Variants in TMEM260 observed in about 807,000 individuals in gnomAD.
TMEM260 encodes the protein protein O-mannosyl-transferase TMEM260.
In TMEM260, 82 loss-of-function variants were observed where a neutral mutation model predicts 88.9. That is an observed-to-expected ratio of 0.92 (90% CI 0.77 to 1.11). The LOEUF (loss-of-function observed/expected upper bound fraction) is 1.11. TMEM260 is among the 50% of genes least tolerant of loss of function. The pLI is 0.00. For missense variants in TMEM260, 902 were observed against 853.4 expected, an observed-to-expected ratio of 1.06 and a Z score of -0.71; for synonymous variants, 314 against 309.3, an observed-to-expected ratio of 1.02 and a Z score of -0.16.
intron 9 of TMEM260, among the ~76,000 whole-genome samples, chr14:56,618,183 C>G (rs1887700747): frequency 6.6e-6 from 1 of 152,148 alleles, no homozygotes; most frequent in African/African-American, 2.4e-5. Context: ...CTCCCAAACT[C>G]CCCAGTCAGA....
intron 3 of TMEM260, among the ~76,000 whole-genome samples, chr14:56,601,238 C>T (rs775311671): frequency 5.3e-5 from 8 of 152,050 alleles, no homozygotes; most frequent in Admixed American, 1.3e-4. Context: ...CTTTAAGATG[C>T]CTTTCTGAGT....
intron 15 of TMEM260, among the ~76,000 whole-genome samples, chr14:56,642,912 G>T (rs182376002): frequency 1.3e-5 from 2 of 152,262 alleles, no homozygotes; most frequent in Admixed American, 1.3e-4. Flanking sequence ...AACTAATCTA[G>T]AAGAAATGGA....
the TMEM260 span, among the ~76,000 whole-genome samples, chr14:56,656,324 C>T: frequency 1.1e-4 from 17 of 152,074 alleles, no homozygotes; most frequent in African/African-American, 4.1e-4. Flanking sequence ...AAGGCTGAGG[C>T]GAGAGGATCG....
chr14:56,629,271 G>GT (rs60646032), intron 12 of TMEM260, among the ~76,000 whole-genome samples: 61,667 of 137,360 alleles, frequency 0.45, 13,973 homozygotes, highest in Non-Finnish European at 0.53. Flanking sequence ...TGTTTTTGTT[G>GT]TTTTTTTTTT....
chr14:56,606,123 AAAT>A (rs1400820066), intron 5 of TMEM260, among the ~76,000 whole-genome samples: 1 of 152,208 alleles, frequency 6.6e-6, no homozygotes, highest in African/African-American at 2.4e-5. Context: ...ATTGTGAACT[AAAT>A]AATAAAATCT....
intron 15 of TMEM260, among the ~76,000 whole-genome samples, chr14:56,638,520 T>C (rs1179734967): frequency 1.3e-5 from 2 of 152,150 alleles, no homozygotes; most frequent in African/African-American, 4.8e-5. Flanking sequence ...CTACTAAAGC[T>C]CATTTGTGGA....
chr14:56,631,671 G>A (rs1329288052), intron 12 of TMEM260, among the ~76,000 whole-genome samples: 4 of 151,402 alleles, frequency 2.6e-5, no homozygotes, highest in Non-Finnish European at 2.9e-5. Context: ...GGAGTTGTAT[G>A]CATGCTCACT....
rs1415788039 is a variant in TMEM260, at chr14:56,621,524, T to C, written c.1227-7T>C. 22 of 1,596,114 alleles carry C rather than the reference T, an allele frequency of 1.4e-5. No individual in the cohort carries two copies. Among genetic ancestry groups the C allele is most frequent in the Non-Finnish European group, 1.5e-5 (18 of 1,172,190 alleles). ...CTATTTTAATTTTTTTGGATCCTTT[T>C]ATTTAGTGTTTGTGACCAAAGGACC... is the stretch of plus-strand genomic sequence containing the variant. On this transcript the variant is annotated splice_region_variant and splice_polypyrimidine_tract_variant and intron_variant, in intron 10 of 15. Transcript: ENST00000261556.
At chr14:56,658,640 A>T in the TMEM260 span, among the ~76,000 whole-genome samples, 1 of 152,256 alleles carries the variant, frequency 6.6e-6, no homozygotes, top group Non-Finnish European at 1.5e-5. Context: ...AAAGACAAGG[A>T]AAGACAAGAG....
chr14:56,585,682 G>T, intron 2 of TMEM260, 79 bp from the exon 3 acceptor site: 1 of 1,366,764 alleles, frequency 7.3e-7, no homozygotes, highest in Non-Finnish European at 1.0e-6. Flanking sequence ...TTGAGAAAAG[G>T]GCTACTTTTC....
chr14:56,596,615 T>G (rs555252824), intron 3 of TMEM260, among the ~76,000 whole-genome samples: 24 of 149,836 alleles, frequency 1.6e-4, no homozygotes, highest in African/African-American at 5.6e-4. Flanking sequence ...AATACAAAAT[T>G]AGCCAGGCGT....
At chr14:56,598,319 A>C (rs1362563181) in intron 3 of TMEM260, among the ~76,000 whole-genome samples, 2 of 152,180 alleles carry the variant, frequency 1.3e-5, no homozygotes, top group Non-Finnish European at 2.9e-5. Context: ...AACTCGGTAA[A>C]GTGTGTCAAG....
intron 3 of TMEM260, among the ~76,000 whole-genome samples, chr14:56,598,634 C>T (rs1001508399): frequency 3.9e-5 from 6 of 152,198 alleles, no homozygotes; most frequent in Admixed American, 1.3e-4. Context: ...TATCTTCTTA[C>T]AGAATCAATG....
At chr14:56,627,834 G>A (rs975897868) in intron 12 of TMEM260, among the ~76,000 whole-genome samples, 5 of 152,030 alleles carry the variant, frequency 3.3e-5, no homozygotes, top group African/African-American at 1.2e-4. Flanking sequence ...ATACATTTGT[G>A]TAACCACCAC....
chr14:56,650,496 C>A, downstream of TMEM260: 1 of 155,410 alleles, frequency 6.4e-6, no homozygotes. Context: ...TTTAAAAGCA[C>A]CCATTTTGTT....
At position 56,615,885 on chromosome 14, in the gene TMEM260, T is replaced by G. The variant is rs116244743; in HGVS notation, c.858-59T>G. 1,180 of 1,185,954 alleles carry G rather than the reference T, an allele frequency of 9.9e-4. 8 individuals carry two copies. In the African/African-American group the frequency reaches 0.015, roughly 15 times the overall value. The allele number at this position is 1,185,954 out of a possible 1,614,324, so 73.5% of individuals were successfully genotyped here. A position where few individuals can be genotyped will look rare whatever the true frequency, so the allele number is the denominator to read the frequency against. Reference sequence around the variant, plus strand: ...TCAATGGTATCTTACAAGGACTATTTTATTTGGAATCAATCAAATTTGTTT... The same window carrying G: ...TCAATGGTATCTTACAAGGACTATTGTATTTGGAATCAATCAAATTTGTTT... On this transcript the variant is annotated intron_variant, in intron 7 of 15. Coordinates refer to ENST00000261556, the MANE Select transcript of TMEM260 (RefSeq NM_017799.4).
intron 3 of TMEM260, among the ~76,000 whole-genome samples, chr14:56,587,497 G>T (rs1051594179): frequency 6.6e-6 from 1 of 151,868 alleles, no homozygotes. Context: ...TAATTATTAT[G>T]ATTAATTATA....
chr14:56,590,091 G>A (rs529110275), intron 3 of TMEM260, among the ~76,000 whole-genome samples: 1 of 152,172 alleles, frequency 6.6e-6, no homozygotes, highest in African/African-American at 2.4e-5. Context: ...CCATTCAGGA[G>A]AATATCTGTC....
chr14:56,627,054 CAT>C (rs1491497541), intron 12 of TMEM260, among the ~76,000 whole-genome samples: 1 of 152,064 alleles, frequency 6.6e-6, no homozygotes, highest in East Asian at 1.9e-4. Context: ...CTAATATTCT[CAT>C]AAGACGCATA....
Sources: gnomAD v4.1 joint callset for allele counts (sites outside exome capture counted in the v4.1 genomes callset) on GRCh38, gnomAD v4.1.1 for gene constraint, MANE v1.5 for transcripts, NCBI Gene and HGNC (gene_info 2026-07-23, HGNC 2026-07-21) for gene names.